XKR9: variants seen among roughly 807,000 people sequenced by gnomAD.
XKR9 encodes XK-related protein 9.
A neutral mutation model predicts 32.0 loss-of-function variants in XKR9; 32 were observed. The observed-to-expected ratio is 1.00, with a 90% CI of 0.76 to 1.34. The LOEUF (loss-of-function observed/expected upper bound fraction) is 1.34. XKR9 is among the 40% of genes most tolerant of loss of function. The pLI is 0.00. For missense variants in XKR9, 546 were observed against 429.7 expected, an observed-to-expected ratio of 1.27 and a Z score of -2.39; for synonymous variants, 168 against 143.4, an observed-to-expected ratio of 1.17 and a Z score of -1.22.
the XKR9 span, among the ~76,000 whole-genome samples, chr8:70,897,141 T>C: frequency 5.3e-5 from 8 of 152,190 alleles, no homozygotes; most frequent in Non-Finnish European, 8.8e-5. Flanking sequence ...GTGATGTTTG[T>C]CTTTCTGTGC....
intron 3 of XKR9, among the ~76,000 whole-genome samples, chr8:70,682,632 T>G (rs776329763): frequency 2.5e-4 from 37 of 150,222 alleles, no homozygotes; most frequent in Non-Finnish European, 4.3e-4. Flanking sequence ...GCATTTAGAC[T>G]AAGGTTCAAT....
the XKR9 span, among the ~76,000 whole-genome samples, chr8:70,926,970 G>A: frequency 6.6e-6 from 1 of 151,642 alleles, no homozygotes; most frequent in Non-Finnish European, 1.5e-5. Flanking sequence ...TAGAGTTATA[G>A]TTTTGTTTCA....
At chr8:70,836,607 T>C in the XKR9 span, among the ~76,000 whole-genome samples, 24 of 152,208 alleles carry the variant, frequency 1.6e-4, no homozygotes, top group Admixed American at 8.5e-4. Flanking sequence ...TTCTATTGAT[T>C]GATATTTGGG....
the XKR9 span, among the ~76,000 whole-genome samples, chr8:70,802,216 G>A: frequency 3.3e-5 from 5 of 152,126 alleles, no homozygotes; most frequent in East Asian, 1.9e-4. Flanking sequence ...GATTACAGGC[G>A]TGAGCCACCG....
At chr8:70,763,156 T>C (rs1807329899) in intron 2 of XKR9, among the ~76,000 whole-genome samples, 1 of 141,818 alleles carries the variant, frequency 7.1e-6, no homozygotes, top group Non-Finnish European at 1.6e-5. Context: ...CTGTGGACTA[T>C]AAAATGGATT....
At chr8:71,010,102 A>G in the XKR9 span, among the ~76,000 whole-genome samples, 1 of 152,166 alleles carries the variant, frequency 6.6e-6, no homozygotes, top group Non-Finnish European at 1.5e-5. Context: ...TGGGTTCTTC[A>G]TTTGTAAAAG....
chr8:70,854,740 T>A, the XKR9 span, among the ~76,000 whole-genome samples: 1 of 152,236 alleles, frequency 6.6e-6, no homozygotes, highest in Admixed American at 6.5e-5. Flanking sequence ...TTTCTACATA[T>A]GGCAAGCCAG....
At chr8:70,872,231 A>C in the XKR9 span, among the ~76,000 whole-genome samples, 4 of 152,214 alleles carry the variant, frequency 2.6e-5, no homozygotes, top group African/African-American at 7.2e-5. Flanking sequence ...TATATGAACA[A>C]ACTTTGAGTG....
At chr8:70,918,054 G>A in the XKR9 span, among the ~76,000 whole-genome samples, 1 of 152,226 alleles carries the variant, frequency 6.6e-6, no homozygotes, top group Non-Finnish European at 1.5e-5. Context: ...GCAGAAATTG[G>A]TGTGGAAAGC....
chr8:70,825,860 A>C, the XKR9 span, among the ~76,000 whole-genome samples: 2 of 151,846 alleles, frequency 1.3e-5, no homozygotes, highest in Non-Finnish European at 2.9e-5. Context: ...TTTTTCCTCT[A>C]CCCCTGCAAC....
At chr8:70,701,658 G>C (rs1805541264) in intron 3 of XKR9, among the ~76,000 whole-genome samples, 1 of 152,140 alleles carries the variant, frequency 6.6e-6, no homozygotes, top group Non-Finnish European at 1.5e-5. Flanking sequence ...GCTAAGTATT[G>C]CAAAACCTGA....
At chr8:71,055,949 T>C in the XKR9 span, among the ~76,000 whole-genome samples, 3 of 152,316 alleles carry the variant, frequency 2.0e-5, no homozygotes, top group Non-Finnish European at 4.4e-5. Flanking sequence ...TAAATTCTAA[T>C]ATACAAATAT....
At chr8:70,877,804 A>G in the XKR9 span, among the ~76,000 whole-genome samples, 1 of 152,186 alleles carries the variant, frequency 6.6e-6, no homozygotes, top group African/African-American at 2.4e-5. Flanking sequence ...TTCAGGAAAT[A>G]CAGAGAACAC....
the XKR9 span, among the ~76,000 whole-genome samples, chr8:70,976,688 T>C: frequency 6.6e-6 from 1 of 152,182 alleles, no homozygotes; most frequent in Non-Finnish European, 1.5e-5. Context: ...TCTTTTTTTG[T>C]TATGTCTTTG....
the XKR9 span, among the ~76,000 whole-genome samples, chr8:70,893,722 GTTC>G: frequency 6.6e-6 from 1 of 152,120 alleles, no homozygotes. Context: ...GTCTTTTGGG[GTTC>G]TTCTATTCTT....
intron 2 of XKR9, among the ~76,000 whole-genome samples, chr8:70,753,152 C>T (rs1226865534): frequency 3.9e-5 from 6 of 152,242 alleles, no homozygotes; most frequent in South Asian, 2.1e-4. Context: ...CACAAATAAA[C>T]TAGAAAATCT....
the XKR9 span, among the ~76,000 whole-genome samples, chr8:70,813,417 C>T: frequency 6.6e-6 from 1 of 152,202 alleles, no homozygotes; most frequent in East Asian, 1.9e-4. Flanking sequence ...AAAGCAATGG[C>T]AACAAAAACC....
the XKR9 span, among the ~76,000 whole-genome samples, chr8:70,994,891 AGGTCTTTGTGTTTCTAG>A: frequency 1.3e-5 from 2 of 152,214 alleles, no homozygotes; most frequent in African/African-American, 4.8e-5. Context: ...GCAAATGAAA[AGGTCTTTGTGTTTCTAG>A]GGCAGCAAAT....
downstream of XKR9, among the ~76,000 whole-genome samples, chr8:70,793,490 AG>A (rs1267104155): frequency 6.6e-6 from 1 of 152,088 alleles, no homozygotes; most frequent in Non-Finnish European, 1.5e-5. Context: ...CACTCTGCAG[AG>A]TACACCCCAC....
Sources: allele counts gnomAD v4.1 joint callset (sites outside exome capture counted in the v4.1 genomes callset), GRCh38; gene constraint gnomAD v4.1.1; transcripts MANE v1.5; gene names NCBI Gene and HGNC (gene_info 2026-07-23, HGNC 2026-07-21).